Variants in ASPHD2 observed in about 807,000 individuals in gnomAD.
ASPHD2 encodes aspartate beta-hydroxylase domain containing 2.
Under a neutral mutation model 34.6 loss-of-function variants are expected in ASPHD2, and 12 were observed. The observed-to-expected ratio is 0.35, with a 90% CI of 0.22 to 0.56. ASPHD2 has a LOEUF of 0.56. Ranked by LOEUF, ASPHD2 falls within the 20% of genes least tolerant of loss-of-function variation. The pLI is 0.87. For missense variants in ASPHD2, 375 were observed against 505.0 expected, an observed-to-expected ratio of 0.74 and a Z score of 2.47; for synonymous variants, 224 against 212.2, an observed-to-expected ratio of 1.06 and a Z score of -0.48.
chr22:26,438,494 C>T (rs1187060231), intron 2 of ASPHD2, among the ~76,000 whole-genome samples: 3 of 65,264 alleles, frequency 4.6e-5, no homozygotes, highest in Non-Finnish European at 9.4e-5. Flanking sequence ...TATATAGATA[C>T]ACACATACAT....
intron 2 of ASPHD2, among the ~76,000 whole-genome samples, chr22:26,437,701 G>A (rs759000781): frequency 2.6e-4 from 40 of 151,750 alleles, no homozygotes; most frequent in Middle Eastern, 3.2e-3. Flanking sequence ...TGGTCTAGCC[G>A]GGTGGTAACA....
Position 26,443,161 on chromosome 22 carries a change from G to T in ASPHD2, c.1065G>T (p.Ala355=). ...ATTTGTGGCATCCAAACGTCGCAGCGGCCGAACGGCAGGCTCTTGATTTCA... is the reference window on the plus strand; with the variant it reads ...ATTTGTGGCATCCAAACGTCGCAGCTGCCGAACGGCAGGCTCTTGATTTCA... ...MVDLWHPNVA[A]AERQALDFIF... The change falls in exon 4 of 4, where the codon GCG becomes GCT. Residue 355 remains alanine (A), a synonymous_variant. Coordinates refer to ENST00000215906, the MANE Select transcript of ASPHD2 (RefSeq NM_020437.5). 6.2e-7 allele frequency: 1 copy of T among 1,614,126 alleles called. No homozygotes were observed. Among genetic ancestry groups the T allele is most frequent in the Non-Finnish European group, 8.5e-7 (1 of 1,180,012 alleles).
intron 2 of ASPHD2, among the ~76,000 whole-genome samples, chr22:26,438,552 C>CATACATATATAT: frequency 9.2e-6 from 1 of 108,294 alleles, no homozygotes; most frequent in Non-Finnish European, 2.0e-5. Context: ...TACATATATA[C>CATACATATATAT]ACATACATAT....
At chr22:26,441,180 A>G (rs2084833684) in intron 2 of ASPHD2, among the ~76,000 whole-genome samples, 2 of 152,242 alleles carry the variant, frequency 1.3e-5, no homozygotes, top group Non-Finnish European at 2.9e-5. Flanking sequence ...GTGACTTCAC[A>G]TGGTGAAAGG....
In ASPHD2 at chr22:26,444,716, G is replaced by T. The variant is rs1005905452; in HGVS notation, c.*1510G>T. On this transcript the variant is annotated 3_prime_UTR_variant, in exon 4 of 4. Coordinates refer to ENST00000215906, the MANE Select transcript of ASPHD2 (RefSeq NM_020437.5). ...ACAACTGTTGGAAGAAAACACAGTT[G>T]AAATGCACCAGGCAGGTACTAGCAA... The T allele has an allele frequency of 1.3e-5, 2 of 152,252 alleles. No individual in the cohort carries two copies. Among genetic ancestry groups the T allele is most frequent in the Non-Finnish European group, 2.9e-5 (2 of 68,058 alleles). 9.4% of individuals were successfully genotyped at this position (152,252 alleles called of 1,614,324 possible). A position where few individuals can be genotyped will look rare whatever the true frequency, so the allele number is the denominator to read the frequency against.
chr22:26,431,008 AGCAGGGCT>A (rs1293161641), intron 1 of ASPHD2, among the ~76,000 whole-genome samples: 1 of 152,206 alleles, frequency 6.6e-6, no homozygotes, highest in Non-Finnish European at 1.5e-5. Context: ...TTAAGTGATC[AGCAGGGCT>A]GATGGGAACT....
At position 26,442,452 on chromosome 22, in the gene ASPHD2, C is replaced by T; in HGVS notation, c.887-7C>T. ...CTTCACTCTCCTTTCTCTGGTTTTCCTACAAGGTCTGAAAACTCCAAATGG... is the reference window on the plus strand; with the variant it reads ...CTTCACTCTCCTTTCTCTGGTTTTCTTACAAGGTCTGAAAACTCCAAATGG... On this transcript the variant is annotated splice_polypyrimidine_tract_variant and splice_region_variant and intron_variant, in intron 2 of 3. Coordinates refer to ENST00000215906, the MANE Select transcript of ASPHD2 (RefSeq NM_020437.5). 1 of 1,573,232 alleles carries T rather than the reference C, an allele frequency of 6.4e-7. No individual in the cohort carries two copies. The highest frequency in any genetic ancestry group is 8.6e-7 in the Non-Finnish European group (1 of 1,158,698).
intron 2 of ASPHD2, among the ~76,000 whole-genome samples, chr22:26,435,177 G>C (rs2146128635): frequency 6.6e-6 from 1 of 152,310 alleles, no homozygotes; most frequent in South Asian, 2.1e-4. Context: ...TCACCTCTCT[G>C]AGCCTCAATT....
chr22:26,438,488 TAGATACAC>T (rs1406710412), intron 2 of ASPHD2, among the ~76,000 whole-genome samples: 3 of 46,590 alleles, frequency 6.4e-5, no homozygotes, highest in South Asian at 5.5e-4. Flanking sequence ...TACATATATA[TAGATACAC>T]ACATACATAT....
At position 26,443,776 on chromosome 22, in the gene ASPHD2, CCAGA is replaced by C. The variant is rs973231678; in HGVS notation, c.*573_*576del. On this transcript the variant is annotated 3_prime_UTR_variant, in exon 4 of 4. Coordinates refer to ENST00000215906, the MANE Select transcript of ASPHD2 (RefSeq NM_020437.5). ...CTTCAGTAGCCAGGTGGAGGGGCTG[CCAGA>C]CACAGTCAGGGTGGCACACAGTGTC... The C allele has an allele frequency of 6.6e-6, 1 of 152,386 alleles. No homozygotes were observed. Among genetic ancestry groups the C allele is most frequent in the African/African-American group, 2.4e-5 (1 of 41,440 alleles). The allele number at this position is 152,386 out of a possible 1,614,324, so 9.4% of individuals were successfully genotyped here.
intron 2 of ASPHD2, among the ~76,000 whole-genome samples, chr22:26,435,785 T>C (rs1312691170): frequency 2.6e-5 from 4 of 151,344 alleles, no homozygotes; most frequent in Non-Finnish European, 4.4e-5. Flanking sequence ...ATTTGAGCAA[T>C]TGACATGGTA....
At position 26,433,580 on chromosome 22, in the gene ASPHD2, T is replaced by C; in HGVS notation, c.-36T>C. On this transcript the variant is annotated 5_prime_UTR_variant, in exon 2 of 4. Transcript: ENST00000215906. The surrounding 1 kb of genome is among the most constrained non-coding windows in gnomAD (Gnocchi z 5.1). ...GATCGGTGGCAGCCATGCCTCCCCC[T>C]GCCCCAGCCGCTCCTTCCCCCCCAC... 1.3e-6 allele frequency: 2 copies of C among 1,531,940 alleles called. No homozygotes were observed. The highest frequency in any genetic ancestry group is 1.2e-5 in the South Asian group (1 of 85,420). The allele number at this position is 1,531,940 out of a possible 1,614,324, so 94.9% of individuals were successfully genotyped here. A position where few individuals can be genotyped will look rare whatever the true frequency, so the allele number is the denominator to read the frequency against.
rs563793228 is a variant in ASPHD2 at position 26,444,080 on chromosome 22, G to A, written c.*874G>A. ...GTGTTTTGAGTCCACAGTGATGAAC[G>A]TTAAGGCCACCAGGTTGGCTGATAG... On this transcript the variant is annotated 3_prime_UTR_variant, in exon 4 of 4. Coordinates refer to ENST00000215906, the MANE Select transcript of ASPHD2 (RefSeq NM_020437.5). 3 of 152,336 alleles carry A rather than the reference G, an allele frequency of 2.0e-5. No homozygotes were observed. Among genetic ancestry groups the A allele is most frequent in the East Asian group, 1.9e-4 (1 of 5,196 alleles). The allele number at this position is 152,336 out of a possible 1,614,324, so 9.4% of individuals were successfully genotyped here.
chr22:26,442,349 T>A (rs2084854144), intron 2 of ASPHD2, 110 bp from the exon 3 acceptor site: 1 of 770,740 alleles, frequency 1.3e-6, no homozygotes, highest in Middle Eastern at 2.4e-4. Context: ...GTGAGGCAGG[T>A]CAGGTGCTTT....
chr22:26,433,931 G>C lies in ASPHD2; in HGVS notation c.316G>C (p.Val106Leu), dbSNP rs764941023. Residue 106 changes from valine (V) to leucine (L), a missense_variant, in exon 2 of 4, where the codon GTG becomes CTG. By Grantham distance (32) the Val-to-Leu change is conservative (BLOSUM62 1). This residue lies in a region of ASPHD2 where 223 missense variants were observed against 257.8 expected (regional missense o/e 0.87). Transcript: ENST00000215906. The surrounding 1 kb of genome is among the most constrained non-coding windows in gnomAD (Gnocchi z 5.1). The stretch of plus-strand genomic sequence containing the variant: ...TGCCAACGGGCTGCAGAATGGCTAC[G>C]TGTACTGCCAGTCCCCTGAGTGCGT... ...ADANGLQNGY[V>L]YCQSPECVRC... 3 of 1,613,398 alleles carry C rather than the reference G, an allele frequency of 1.9e-6. No individual in the cohort carries two copies. The highest frequency in any genetic ancestry group is 1.3e-5 in the African/African-American group (1 of 74,936).
At position 26,443,089 on chromosome 22, in the gene ASPHD2, C is replaced by A. The variant is rs189222529; in HGVS notation, c.1001-8C>A. 2 of 1,609,056 alleles carry A rather than the reference C, an allele frequency of 1.2e-6. No individual in the cohort carries two copies. The highest frequency in any genetic ancestry group is 1.3e-5 in the African/African-American group (1 of 74,810). On this transcript the variant is annotated splice_region_variant and splice_polypyrimidine_tract_variant and intron_variant, in intron 3 of 3. Coordinates refer to ENST00000215906, the MANE Select transcript of ASPHD2 (RefSeq NM_020437.5). ...GAACCTGTCCTCTCACCCCTCCTTC[C>A]CCCCCAGGTTCAGCAGAGGATGGCC...
At chr22:26,435,752 AAAG>A (rs1166931172) in intron 2 of ASPHD2, among the ~76,000 whole-genome samples, 1 of 89,646 alleles carries the variant, frequency 1.1e-5, no homozygotes, top group East Asian at 3.1e-4. Context: ...AAAGAAAAGA[AAAG>A]AAAAGAAAAA....
intron 1 of ASPHD2, among the ~76,000 whole-genome samples, chr22:26,431,058 C>T (rs974699593): frequency 3.9e-5 from 6 of 152,142 alleles, no homozygotes; most frequent in African/African-American, 1.4e-4. Flanking sequence ...AAATTATCAC[C>T]GTCTCACTCT....
intron 2 of ASPHD2, among the ~76,000 whole-genome samples, chr22:26,437,103 A>G (rs1294256304): frequency 6.6e-6 from 1 of 152,164 alleles, no homozygotes; most frequent in Non-Finnish European, 1.5e-5. Context: ...ATATCCACCC[A>G]GGAAGGAAAC....
Sources: allele counts gnomAD v4.1 joint callset (sites outside exome capture counted in the v4.1 genomes callset), GRCh38; gene constraint gnomAD v4.1.1; regional missense constraint gnomAD v4.1.1; non-coding constraint Gnocchi (gnomAD v3.1); transcripts MANE v1.5; gene names NCBI Gene and HGNC (gene_info 2026-07-23, HGNC 2026-07-21).